Variants in IMMP2L observed in about 807,000 individuals in gnomAD.
IMMP2L encodes inner mitochondrial membrane peptidase subunit 2.
In IMMP2L, 18 loss-of-function variants were observed where a neutral mutation model predicts 19.3. The ratio of observed to expected loss-of-function variants is 0.93; its 90% CI spans 0.64 to 1.38. The LOEUF (loss-of-function observed/expected upper bound fraction) is 1.38, where lower values mean the gene tolerates loss of function less well. Ranked by LOEUF, IMMP2L falls within the 40% of genes most tolerant of loss-of-function variation. IMMP2L has a pLI of 0.00. For missense variants in IMMP2L, 233 were observed against 218.2 expected (o/e 1.07, Z -0.43); for synonymous variants, 76 against 73.0 (o/e 1.04, Z -0.21).
chr7:111,404,154 T>G (rs1319057289), intron 3 of IMMP2L, among the ~76,000 whole-genome samples: 3 of 152,142 alleles, frequency 2.0e-5, no homozygotes, highest in Non-Finnish European at 4.4e-5. Flanking sequence ...ATCCATTTTT[T>G]ATATATTTTG....
intron 3 of IMMP2L, among the ~76,000 whole-genome samples, chr7:111,269,574 T>A (rs575806740): frequency 5.3e-5 from 8 of 152,246 alleles, no homozygotes; most frequent in Middle Eastern, 6.8e-3. Context: ...ACACTATGAA[T>A]ACAGTATTTT....
At chr7:111,058,545 T>G (rs1793720995) in intron 3 of IMMP2L, among the ~76,000 whole-genome samples, 1 of 152,212 alleles carries the variant, frequency 6.6e-6, no homozygotes, top group African/African-American at 2.4e-5. Context: ...CTTATATTAT[T>G]ATTTTAAAAT....
chr7:110,747,853 C>T (rs1023366758), intron 5 of IMMP2L, among the ~76,000 whole-genome samples: 2 of 150,222 alleles, frequency 1.3e-5, no homozygotes, highest in Non-Finnish European at 2.9e-5. Context: ...CCAGGATGCC[C>T]TCTCTCACCA....
intron 5 of IMMP2L, among the ~76,000 whole-genome samples, chr7:110,834,750 G>A (rs907055047): frequency 1.3e-5 from 2 of 152,160 alleles, no homozygotes; most frequent in Admixed American, 1.3e-4. Context: ...ATTGGGAGCT[G>A]ACTTTTCTAC....
At chr7:111,398,035 G>A (rs887894295) in intron 3 of IMMP2L, among the ~76,000 whole-genome samples, 3 of 151,960 alleles carry the variant, frequency 2.0e-5, no homozygotes, top group Admixed American at 6.6e-5. Flanking sequence ...AATGCATTTT[G>A]TATACAGAAT....
intron 4 of IMMP2L, among the ~76,000 whole-genome samples, chr7:110,907,566 A>T (rs1257178749): frequency 6.6e-6 from 1 of 152,084 alleles, no homozygotes; most frequent in Non-Finnish European, 1.5e-5. Context: ...ACAGGATGTA[A>T]GTTCTCACTT....
chr7:111,058,175 C>G (rs761256839), intron 3 of IMMP2L, among the ~76,000 whole-genome samples: 3 of 151,880 alleles, frequency 2.0e-5, no homozygotes, highest in Non-Finnish European at 4.4e-5. Context: ...TGCAGGCACC[C>G]CAAAGAGAGA....
intron 3 of IMMP2L, among the ~76,000 whole-genome samples, chr7:111,149,354 G>A (rs767833318): frequency 1.3e-5 from 2 of 152,104 alleles, no homozygotes; most frequent in Admixed American, 6.6e-5. Context: ...AAATATAAGA[G>A]CAGAAAAAAG....
chr7:110,837,038 A>G (rs1309837565), intron 5 of IMMP2L, among the ~76,000 whole-genome samples: 1 of 152,186 alleles, frequency 6.6e-6, no homozygotes, highest in African/African-American at 2.4e-5. Flanking sequence ...TTAAAGGCAG[A>G]ATACCTAAGT....
chr7:111,229,383 T>A (rs1042693226), intron 3 of IMMP2L, among the ~76,000 whole-genome samples: 1 of 152,034 alleles, frequency 6.6e-6, no homozygotes, highest in Non-Finnish European at 1.5e-5. Flanking sequence ...GATAAAAGTA[T>A]GTGAAATGAT....
intron 3 of IMMP2L, among the ~76,000 whole-genome samples, chr7:111,336,645 T>G (rs1826441197): frequency 6.6e-6 from 1 of 152,066 alleles, no homozygotes; most frequent in South Asian, 2.1e-4. Context: ...ATTCATGCAT[T>G]CATGTTTCAT....
At chr7:111,489,202 C>A (rs1585318098) in intron 2 of IMMP2L, among the ~76,000 whole-genome samples, 1 of 151,958 alleles carries the variant, frequency 6.6e-6, no homozygotes, top group East Asian at 1.9e-4. Flanking sequence ...TGCCATCACG[C>A]CCAGCTAATT....
At chr7:111,309,665 C>T (rs549804493) in intron 3 of IMMP2L, among the ~76,000 whole-genome samples, 8 of 152,130 alleles carry the variant, frequency 5.3e-5, no homozygotes, top group Admixed American at 2.0e-4. Flanking sequence ...TTTTCACTAA[C>T]AATTAGCTAA....
intron 3 of IMMP2L, among the ~76,000 whole-genome samples, chr7:111,188,498 T>C (rs982313018): frequency 6.6e-6 from 1 of 152,092 alleles, no homozygotes; most frequent in Non-Finnish European, 1.5e-5. Flanking sequence ...TCCATCCTTG[T>C]GACCTAGTTA....
At chr7:110,884,752 T>C (rs1810038679) in intron 5 of IMMP2L, among the ~76,000 whole-genome samples, 1 of 152,126 alleles carries the variant, frequency 6.6e-6, no homozygotes, top group Non-Finnish European at 1.5e-5. Flanking sequence ...CCAATCTGTT[T>C]ATTTCACCTT....
At chr7:111,055,852 G>A (rs369360194) in intron 3 of IMMP2L, among the ~76,000 whole-genome samples, 22 of 152,262 alleles carry the variant, frequency 1.4e-4, no homozygotes, top group African/African-American at 4.6e-4. Context: ...CATGGGATCC[G>A]ATGTGCTAAA....
intron 3 of IMMP2L, among the ~76,000 whole-genome samples, chr7:111,025,723 A>G (rs908008849): frequency 3.9e-5 from 6 of 152,180 alleles, no homozygotes; most frequent in Non-Finnish European, 8.8e-5. Flanking sequence ...GCTTAAGCCT[A>G]GTTGGGCATG....
At chr7:111,038,740 C>A (rs1290478897) in intron 3 of IMMP2L, among the ~76,000 whole-genome samples, 1 of 151,910 alleles carries the variant, frequency 6.6e-6, no homozygotes, top group Non-Finnish European at 1.5e-5. Flanking sequence ...ATTTTTCAAG[C>A]CAATTTTTTA....
rs144976140 is a variant in IMMP2L, at chr7:111,295,702, C to T, written c.239+191536G>A. 3.6e-3 allele frequency among the ~76,000 whole-genome samples: 552 copies of T among 151,952 alleles called. 4 individuals carry two copies. The highest frequency in any genetic ancestry group is 0.012 in the African/African-American group (502 of 41,512). ...GTGCAACCATTGTACTACCATTTTA[C>T]ATACACAAGTAAAATTTATATATAT... On this transcript the variant is annotated intron_variant, in intron 3 of 5. Transcript: ENST00000405709.
Sources: gnomAD v4.1 joint callset for allele counts (sites outside exome capture counted in the v4.1 genomes callset) on GRCh38, gnomAD v4.1.1 for gene constraint, MANE v1.5 for transcripts, NCBI Gene and HGNC (gene_info 2026-07-23, HGNC 2026-07-21) for gene names.